Variants in PRKAG2 observed in about 807,000 individuals in gnomAD.
PRKAG2 encodes protein kinase AMP-activated non-catalytic subunit gamma 2.
A neutral mutation model predicts 69.6 loss-of-function variants in PRKAG2; 26 were observed. That is an observed-to-expected ratio of 0.37 (90% CI 0.27 to 0.52). The LOEUF (loss-of-function observed/expected upper bound fraction) is 0.52, where lower values mean the gene tolerates loss of function less well. PRKAG2 is among the 20% of genes least tolerant of loss of function. The pLI, the probability that PRKAG2 is intolerant of heterozygous loss-of-function variation, is 0.90. For missense variants in PRKAG2, 557 were observed against 740.0 expected (o/e 0.75, Z 2.87); for synonymous variants, 293 against 285.0 (o/e 1.03, Z -0.28).
chr7:151,606,456 T>C (rs1817583950), intron 5 of PRKAG2, among the ~76,000 whole-genome samples: 2 of 152,112 alleles, frequency 1.3e-5, no homozygotes, highest in Non-Finnish European at 2.9e-5. Context: ...TGAGTGTAAT[T>C]TGGAGTTATA....
At chr7:151,841,144 C>G (rs1256754325) in intron 1 of PRKAG2, among the ~76,000 whole-genome samples, 1 of 152,182 alleles carries the variant, frequency 6.6e-6, no homozygotes, top group African/African-American at 2.4e-5. Flanking sequence ...CCTGCCACCA[C>G]ACCAAGCTAA....
intron 4 of PRKAG2, among the ~76,000 whole-genome samples, chr7:151,651,287 C>A (rs1828450629): frequency 6.6e-6 from 1 of 152,160 alleles, no homozygotes; most frequent in Non-Finnish European, 1.5e-5. Context: ...ATTATAAAAT[C>A]ATGCATGGGT....
intron 6 of PRKAG2, among the ~76,000 whole-genome samples, chr7:151,578,423 T>C (rs960255879): frequency 6.6e-6 from 1 of 152,192 alleles, no homozygotes; most frequent in African/African-American, 2.4e-5. Flanking sequence ...TGCAGGAACC[T>C]AGAGCAGATG....
chr7:151,691,317 T>G (rs568713686), intron 3 of PRKAG2, among the ~76,000 whole-genome samples: 91 of 152,306 alleles, frequency 6.0e-4, no homozygotes, highest in Non-Finnish European at 1.2e-3. Context: ...TTTTTATTAT[T>G]TTTTCCCCTG....
chr7:151,694,892 C>T (rs1283905849), intron 3 of PRKAG2, among the ~76,000 whole-genome samples: 1 of 152,258 alleles, frequency 6.6e-6, no homozygotes, highest in African/African-American at 2.4e-5. Flanking sequence ...ACACCGCACC[C>T]ACACGTTTCC....
intron 4 of PRKAG2, among the ~76,000 whole-genome samples, chr7:151,667,488 G>A (rs1314763614): frequency 6.6e-6 from 1 of 152,188 alleles, no homozygotes; most frequent in Non-Finnish European, 1.5e-5. Context: ...TAGAGATAGA[G>A]GTGTGCCTAA....
chr7:151,716,434 C>T (rs1313525852), intron 3 of PRKAG2, among the ~76,000 whole-genome samples: 1 of 152,150 alleles, frequency 6.6e-6, no homozygotes, highest in African/African-American at 2.4e-5. Context: ...ATGTGGACTC[C>T]CAACAGAGCA....
Position 151,780,525 on chromosome 7 carries a change from C to T in PRKAG2, c.466+627G>A, listed in dbSNP as rs1038170573. Among the ~76,000 whole-genome samples the T allele has an allele frequency of 6.6e-6, 1 of 152,190 alleles. No individual in the cohort carries two copies. The highest frequency in any genetic ancestry group is 1.5e-5 in the Non-Finnish European group (1 of 68,040). On this transcript the variant is annotated intron_variant, in intron 3 of 15. Transcript: ENST00000287878. The surrounding 1 kb of genome is among the most constrained non-coding windows in gnomAD (Gnocchi z 4.2). ...TTCGTGGTATATTTCATATTATCAT[C>T]GACGGCGCTCAAATGAAAATACCTT...
At chr7:151,682,836 T>G in intron 3 of PRKAG2, among the ~76,000 whole-genome samples, 1 of 150,522 alleles carries the variant, frequency 6.6e-6, no homozygotes, top group Non-Finnish European at 1.5e-5. Flanking sequence ...GGTGGGACGG[T>G]GGCTCAGAAA....
At chr7:151,806,136 C>T (rs1276066197) in intron 1 of PRKAG2, among the ~76,000 whole-genome samples, 1 of 152,226 alleles carries the variant, frequency 6.6e-6, no homozygotes, top group Non-Finnish European at 1.5e-5. Context: ...TTGCAGTGAG[C>T]CAGGATCCCA....
chr7:151,827,768 A>AAAAAAAAAAAAAAAAAAAAAT (rs2078940694), intron 1 of PRKAG2, among the ~76,000 whole-genome samples: 1 of 150,276 alleles, frequency 6.7e-6, no homozygotes, highest in Non-Finnish European at 1.5e-5. Context: ...AAAAAAAAAA[A>AAAAAAAAAAAAAAAAAAAAAT]AAAAAACTGC....
intron 3 of PRKAG2, among the ~76,000 whole-genome samples, chr7:151,687,339 G>A (rs1332332825): frequency 6.6e-6 from 1 of 152,232 alleles, no homozygotes; most frequent in Non-Finnish European, 1.5e-5. Flanking sequence ...GTCCTGGGGA[G>A]GCACAGGGGA....
At chr7:151,740,755 G>A (rs2073824811) in intron 3 of PRKAG2, among the ~76,000 whole-genome samples, 1 of 152,218 alleles carries the variant, frequency 6.6e-6, no homozygotes, top group Non-Finnish European at 1.5e-5. Flanking sequence ...GTGTGGCCCT[G>A]CCCGGAGAAG....
Position 151,675,466 on chromosome 7 carries a change from G to C in PRKAG2, c.638C>G (p.Thr213Ser). 1 of 1,614,192 alleles carries C rather than the reference G, an allele frequency of 6.2e-7. No homozygotes were observed. The highest frequency in any genetic ancestry group is 8.5e-7 in the Non-Finnish European group (1 of 1,180,040). Residue 213 changes from threonine (T) to serine (S), a missense_variant, in exon 4 of 16, where the codon ACC becomes AGC. Physicochemically the swap from Thr to Ser is moderately conservative, Grantham distance 58 (BLOSUM62 1). Coordinates refer to ENST00000287878, the MANE Select transcript of PRKAG2 (RefSeq NM_016203.4). ...TGTCGGTGATGCCAGTGGAGGCCTG[G>C]TCGGGCTCTGGAAGGAAGACGGGCA... The part of the protein sequence containing the change: ...RFCPSSFQSP[T>S]RPPLASPTHY...
chr7:151,648,943 TAAAG>T (rs1828010646), intron 4 of PRKAG2, among the ~76,000 whole-genome samples: 1 of 151,698 alleles, frequency 6.6e-6, no homozygotes, highest in Non-Finnish European at 1.5e-5. Flanking sequence ...GACTACATAA[TAAAG>T]AAATAGAGTG....
At position 151,745,881 on chromosome 7, in the gene PRKAG2, C is replaced by A. The variant is rs571235913; in HGVS notation, c.466+35271G>T. 2.0e-5 allele frequency among the ~76,000 whole-genome samples: 3 copies of A among 152,274 alleles called. 1 individual carries two copies. In the South Asian group the frequency reaches 6.2e-4, roughly 32 times the overall value. On this transcript the variant is annotated intron_variant, in intron 3 of 15. Transcript: ENST00000287878. ...TCGTGGTGCCTGGCAACCCTGCAGT[C>A]GCTCAGTGTCCAAGAGCACACCAGG...
intron 3 of PRKAG2, among the ~76,000 whole-genome samples, chr7:151,742,127 T>C (rs187642049): frequency 5.4e-4 from 82 of 152,300 alleles, no homozygotes; most frequent in African/African-American, 1.9e-3. Context: ...TGTCCCCTCA[T>C]GTGGACCCGA....
chr7:151,804,801 C>T (rs1290502756), intron 1 of PRKAG2, among the ~76,000 whole-genome samples: 4 of 152,116 alleles, frequency 2.6e-5, no homozygotes, highest in Non-Finnish European at 4.4e-5. Flanking sequence ...TCAAACTGCA[C>T]GTAGGACATA....
intron 3 of PRKAG2, among the ~76,000 whole-genome samples, chr7:151,779,756 C>T (rs1378388030): frequency 6.6e-6 from 1 of 152,184 alleles, no homozygotes; most frequent in African/African-American, 2.4e-5. Flanking sequence ...CGCAAGTTCC[C>T]CAACAAGGCA....
Sources: allele counts gnomAD v4.1 joint callset (sites outside exome capture counted in the v4.1 genomes callset), GRCh38; gene constraint gnomAD v4.1.1; non-coding constraint Gnocchi (gnomAD v3.1); transcripts MANE v1.5; gene names NCBI Gene and HGNC (gene_info 2026-07-23, HGNC 2026-07-21).